The following EPB41L4B variants were observed in gnomAD, a reference collection of about 807,000 sequenced individuals.
EPB41L4B encodes band 4.1-like protein 4B.
EPB41L4B carries 30 observed loss-of-function variants against 112.5 expected under a neutral mutation model. The observed-to-expected ratio is 0.27, with a 90% CI of 0.20 to 0.36. The LOEUF is 0.36. EPB41L4B is among the 10% of genes least tolerant of loss of function. The pLI is 1.00. For missense variants in EPB41L4B, 1,024 were observed against 1,133.3 expected (o/e 0.90, Z 1.38); for synonymous variants, 408 against 439.7 (o/e 0.93, Z 0.90).
intron 19 of EPB41L4B, among the ~76,000 whole-genome samples, chr9:109,202,136 C>A (rs1039081203): frequency 5.3e-5 from 8 of 151,978 alleles, no homozygotes; most frequent in African/African-American, 1.9e-4. Flanking sequence ...AGGTTTCAGG[C>A]CTGGGTGAGG....
chr9:109,298,313 C>CTTTTTTT (rs68012872), intron 1 of EPB41L4B, among the ~76,000 whole-genome samples: 1 of 143,090 alleles, frequency 7.0e-6, no homozygotes, highest in Non-Finnish European at 1.5e-5. Flanking sequence ...ATCATATATG[C>CTTTTTTT]TTTTTTTTTT....
At chr9:109,193,180 C>T (rs527529355) in intron 21 of EPB41L4B, among the ~76,000 whole-genome samples, 3 of 152,306 alleles carry the variant, frequency 2.0e-5, no homozygotes, top group South Asian at 2.1e-4. Context: ...CTTGGCCAGT[C>T]GCTGGCTGAG....
At chr9:109,272,359 G>A (rs971568700) in intron 2 of EPB41L4B, among the ~76,000 whole-genome samples, 3 of 152,196 alleles carry the variant, frequency 2.0e-5, no homozygotes, top group Admixed American at 2.0e-4. Flanking sequence ...CTGCTGAGGA[G>A]GCTGAGGTGG....
At chr9:109,239,436 G>A (rs1004620268) in intron 15 of EPB41L4B, among the ~76,000 whole-genome samples, 1 of 152,186 alleles carries the variant, frequency 6.6e-6, no homozygotes, top group Non-Finnish European at 1.5e-5. Context: ...GACAGTCTGG[G>A]TTACAGAGGA....
chr9:109,270,889 C>G (rs997652965), intron 2 of EPB41L4B, among the ~76,000 whole-genome samples: 1 of 152,140 alleles, frequency 6.6e-6, no homozygotes, highest in Non-Finnish European at 1.5e-5. Context: ...AAATTCAGGT[C>G]CCACCCAAGA....
In EPB41L4B at chr9:109,194,346, T is replaced by C. The variant is rs1832569710; in HGVS notation, c.2097A>G (p.Thr699=). 2 of 1,614,180 alleles carry C rather than the reference T, an allele frequency of 1.2e-6. No individual in the cohort carries two copies. The highest frequency in any genetic ancestry group is 1.3e-5 in the African/African-American group (1 of 75,048). The change falls in exon 21 of 26, where the codon ACA becomes ACG. Residue 699 remains threonine, a synonymous_variant. Coordinates refer to ENST00000374566, the MANE Select transcript of EPB41L4B (RefSeq NM_019114.5). ...CCGTTGTGGTGTTTGTGGTTGTAGA[T>C]GTGGTCACTCCCACTGCCTCGGCCA... ...PDLAEAVGVT[T]STTTNTTTAA...
intron 15 of EPB41L4B, among the ~76,000 whole-genome samples, chr9:109,235,856 G>A (rs1215432045): frequency 1.3e-5 from 2 of 152,204 alleles, no homozygotes; most frequent in Non-Finnish European, 2.9e-5. Flanking sequence ...GTGAGATACT[G>A]GTAAATTCCA....
At chr9:109,285,410 G>T (rs1247747199) in intron 1 of EPB41L4B, among the ~76,000 whole-genome samples, 1 of 152,180 alleles carries the variant, frequency 6.6e-6, no homozygotes, top group Non-Finnish European at 1.5e-5. Flanking sequence ...GCTCGGAGGT[G>T]GAAGACAGCA....
At chr9:109,308,806 G>A (rs567052484) in intron 1 of EPB41L4B, among the ~76,000 whole-genome samples, 3 of 152,302 alleles carry the variant, frequency 2.0e-5, no homozygotes, top group Admixed American at 6.5e-5. Flanking sequence ...GGCCAGGCAC[G>A]GAGACTCATG....
chr9:109,272,563 G>A (rs1835663478), intron 2 of EPB41L4B, among the ~76,000 whole-genome samples: 1 of 152,178 alleles, frequency 6.6e-6, no homozygotes, highest in African/African-American at 2.4e-5. Flanking sequence ...GGCCAGCCTG[G>A]ACAACATGGT....
intron 20 of EPB41L4B, among the ~76,000 whole-genome samples, chr9:109,194,678 A>G (rs142554284): frequency 3.3e-5 from 5 of 152,378 alleles, no homozygotes; most frequent in African/African-American, 9.6e-5. Flanking sequence ...TAAATATACA[A>G]TTCAGTGGCA....
intron 15 of EPB41L4B, among the ~76,000 whole-genome samples, chr9:109,225,913 G>C (rs1833744058): frequency 6.6e-6 from 1 of 152,150 alleles, no homozygotes; most frequent in Non-Finnish European, 1.5e-5. Flanking sequence ...GCTCCATGTT[G>C]GCATGAGAGT....
chr9:109,254,707 T>A (rs530697803), intron 11 of EPB41L4B, among the ~76,000 whole-genome samples: 1 of 152,328 alleles, frequency 6.6e-6, no homozygotes, highest in East Asian at 1.9e-4. Flanking sequence ...GTTGTCCTCA[T>A]TTTTAACAAA....
chr9:109,312,747 T>A (rs1316112896), intron 1 of EPB41L4B, among the ~76,000 whole-genome samples: 1 of 152,142 alleles, frequency 6.6e-6, no homozygotes, highest in African/African-American at 2.4e-5. Flanking sequence ...CAAAGGCAAC[T>A]CACTCACTCA....
Position 109,256,134 on chromosome 9 carries a change from A to G in EPB41L4B, c.929+2T>C. On this transcript the variant is annotated splice_donor_variant, in intron 9 of 25. Coordinates refer to ENST00000374566, the MANE Select transcript of EPB41L4B (RefSeq NM_019114.5). LOFTEE classifies it high-confidence loss of function. ...TTTTAATATTAGACAAAACTAAATTACCAAAAGAATAAGCCTATTTTGTTA... is the reference window on the plus strand; with the variant it reads ...TTTTAATATTAGACAAAACTAAATTGCCAAAAGAATAAGCCTATTTTGTTA... 4 of 1,611,208 alleles carry G rather than the reference A, an allele frequency of 2.5e-6. No homozygotes were observed. Among genetic ancestry groups the G allele is most frequent in the Middle Eastern group, 1.7e-4 (1 of 6,052 alleles).
chr9:109,234,053 G>GA (rs1302220546), intron 15 of EPB41L4B, among the ~76,000 whole-genome samples: 1 of 149,910 alleles, frequency 6.7e-6, no homozygotes, highest in Non-Finnish European at 1.5e-5. Flanking sequence ...TGTTCACAGA[G>GA]AATGTAATTA....
intron 22 of EPB41L4B, 88 bp from the exon 23 acceptor site, chr9:109,185,693 A>C: frequency 1.0e-6 from 1 of 965,116 alleles, no homozygotes; most frequent in Non-Finnish European, 1.5e-6. Flanking sequence ...AAAGGAGAGA[A>C]AGACAGCACA....
intron 17 of EPB41L4B, among the ~76,000 whole-genome samples, chr9:109,208,391 A>G (rs181468969): frequency 4.2e-4 from 64 of 151,762 alleles, no homozygotes; most frequent in African/African-American, 1.5e-3. Flanking sequence ...TTTTCCCCAT[A>G]ACTGCCATCT....
At chr9:109,223,361 G>GAGGTCC (rs1380148543) in intron 15 of EPB41L4B, among the ~76,000 whole-genome samples, 1 of 151,202 alleles carries the variant, frequency 6.6e-6, no homozygotes, top group Non-Finnish European at 1.5e-5. Context: ...TTGAGCCTGG[G>GAGGTCC]AGGTCCAGGC....
Sources: allele counts gnomAD v4.1 joint callset (sites outside exome capture counted in the v4.1 genomes callset), GRCh38; gene constraint gnomAD v4.1.1; transcripts MANE v1.5; gene names NCBI Gene and HGNC (gene_info 2026-07-23, HGNC 2026-07-21).